RHOU: variants seen among roughly 807,000 people sequenced by gnomAD.
The protein encoded by RHOU is rho-related GTP-binding protein RhoU.
A neutral mutation model predicts 12.6 loss-of-function variants in RHOU; 8 were observed. The ratio of observed to expected loss-of-function variants is 0.64; its 90% CI spans 0.37 to 1.15. The LOEUF is 1.15. Ranked by LOEUF, RHOU falls within the 50% of genes most tolerant of loss-of-function variation. The pLI is 0.01. For missense variants in RHOU, 258 were observed against 347.0 expected (o/e 0.74, Z 2.04); for synonymous variants, 161 against 147.4 (o/e 1.09, Z -0.67).
chr1:228,713,480 C>T, the RHOU span, among the ~76,000 whole-genome samples: 60 of 152,170 alleles, frequency 3.9e-4, no homozygotes, highest in Non-Finnish European at 7.4e-4. Flanking sequence ...TGCACCAACA[C>T]ACTCGGCTAA....
chr1:228,680,327 G>A, the RHOU span, among the ~76,000 whole-genome samples: 1 of 152,186 alleles, frequency 6.6e-6, no homozygotes. Context: ...GGCCTGCACA[G>A]ACAGGGCACG....
At chr1:228,705,994 G>A in the RHOU span, among the ~76,000 whole-genome samples, 2 of 152,122 alleles carry the variant, frequency 1.3e-5, no homozygotes, top group Non-Finnish European at 2.9e-5. Flanking sequence ...GCAGTGAGTC[G>A]AGATTGCACC....
the RHOU span, among the ~76,000 whole-genome samples, chr1:228,702,147 TA>T: frequency 6.6e-6 from 1 of 152,160 alleles, no homozygotes. Flanking sequence ...AACATACTTG[TA>T]AAAAAACTCA....
chr1:228,656,232 C>T, the RHOU span, among the ~76,000 whole-genome samples: 1 of 152,092 alleles, frequency 6.6e-6, no homozygotes, highest in African/African-American at 2.4e-5. Flanking sequence ...TGGCTCATTG[C>T]AGCCTTGACC....
In RHOU at chr1:228,746,008, C is replaced by T. The variant is rs1250540006; in HGVS notation, c.*2268C>T. The T allele has an allele frequency of 2.0e-5, 3 of 152,234 alleles. No individual in the cohort carries two copies. The highest frequency in any genetic ancestry group is 2.0e-4 in the Admixed American group (3 of 15,288). 9.4% of individuals were successfully genotyped at this position (152,234 alleles called of 1,614,324 possible). A position where few individuals can be genotyped will look rare whatever the true frequency, so the allele number is the denominator to read the frequency against. On this transcript the variant is annotated 3_prime_UTR_variant, in exon 3 of 3. Coordinates refer to ENST00000366691, the MANE Select transcript of RHOU (RefSeq NM_021205.6). ...GTGGAAAGTGCTCAGTGAAGTACAC[C>T]TGTGTGGCCCAGTTCTGAAAGCTTT...
the RHOU span, among the ~76,000 whole-genome samples, chr1:228,671,837 G>A: frequency 6.6e-6 from 1 of 151,962 alleles, no homozygotes; most frequent in African/African-American, 2.4e-5. Flanking sequence ...TTTGTACCAG[G>A]TATAGTCTTA....
At chr1:228,730,674 T>A (rs1481149858), upstream of RHOU, among the ~76,000 whole-genome samples, 1 of 152,186 alleles carries the variant, frequency 6.6e-6, no homozygotes, top group African/African-American at 2.4e-5. Flanking sequence ...TGATGTCCTC[T>A]TATAGGGTAT....
the RHOU span, among the ~76,000 whole-genome samples, chr1:228,682,020 A>G: frequency 6.6e-6 from 1 of 152,180 alleles, no homozygotes; most frequent in Non-Finnish European, 1.5e-5. Flanking sequence ...AAGCAGGCAC[A>G]CCCTGCAATG....
chr1:228,679,000 C>T, the RHOU span, among the ~76,000 whole-genome samples: 1 of 151,078 alleles, frequency 6.6e-6, no homozygotes, highest in Admixed American at 6.6e-5. Flanking sequence ...TGCACTTCGG[C>T]TGTGTGTAAT....
chr1:228,699,333 A>G, the RHOU span, among the ~76,000 whole-genome samples: 1 of 150,326 alleles, frequency 6.7e-6, no homozygotes, highest in African/African-American at 2.4e-5. Context: ...CTGTGGTCTC[A>G]GCTTCTTGGG....
chr1:228,723,306 G>A, the RHOU span, among the ~76,000 whole-genome samples: 2 of 152,264 alleles, frequency 1.3e-5, no homozygotes, highest in Admixed American at 6.5e-5. Context: ...AAAGCCAGGA[G>A]AGGAGACCCC....
chr1:228,707,252 TATAGTGTGTGTG>T, the RHOU span, among the ~76,000 whole-genome samples: 1 of 77,150 alleles, frequency 1.3e-5, no homozygotes, highest in Non-Finnish European at 2.3e-5. Flanking sequence ...TATATATATA[TATAGTGTGTGTG>T]TGTGTGTGTG....
the RHOU span, among the ~76,000 whole-genome samples, chr1:228,655,421 A>G: frequency 6.6e-6 from 1 of 152,066 alleles, no homozygotes; most frequent in Non-Finnish European, 1.5e-5. Flanking sequence ...TTTGTATTTT[A>G]TTTTTAAAAA....
chr1:228,688,859 C>T, the RHOU span, among the ~76,000 whole-genome samples: 1 of 152,198 alleles, frequency 6.6e-6, no homozygotes, highest in Non-Finnish European at 1.5e-5. Context: ...CTGGATTTGT[C>T]AGTTTAGCTG....
the RHOU span, among the ~76,000 whole-genome samples, chr1:228,657,412 C>T: frequency 4.7e-5 from 7 of 147,648 alleles, no homozygotes; most frequent in African/African-American, 1.7e-4. Context: ...ACTTCAAAAT[C>T]AAATAGGTTT....
the RHOU span, among the ~76,000 whole-genome samples, chr1:228,691,596 A>G: frequency 6.6e-6 from 1 of 152,080 alleles, no homozygotes; most frequent in Admixed American, 6.6e-5. Flanking sequence ...ATTTCCTTTT[A>G]GTGATGAATG....
the RHOU span, among the ~76,000 whole-genome samples, chr1:228,677,115 G>C: frequency 2.0e-5 from 3 of 152,202 alleles, no homozygotes; most frequent in Non-Finnish European, 4.4e-5. Context: ...CTTCAAGCGG[G>C]ATTGGGGTGG....
the RHOU span, among the ~76,000 whole-genome samples, chr1:228,709,425 C>A: frequency 2.0e-5 from 3 of 150,148 alleles, no homozygotes; most frequent in Non-Finnish European, 3.0e-5. Context: ...CTCTCCTCAG[C>A]AAATGTAAAA....
the RHOU span, among the ~76,000 whole-genome samples, chr1:228,657,209 G>A: frequency 4.8e-3 from 689 of 142,728 alleles, 1 homozygote; most frequent in Non-Finnish European, 7.3e-3. Context: ...CCCAGGAGGT[G>A]GAGGTTGCAG....
Sources: allele counts gnomAD v4.1 joint callset (sites outside exome capture counted in the v4.1 genomes callset), GRCh38; gene constraint gnomAD v4.1.1; transcripts MANE v1.5; gene names NCBI Gene and HGNC (gene_info 2026-07-23, HGNC 2026-07-21).